ACP1: variants seen among roughly 807,000 people sequenced by gnomAD.
ACP1 encodes the protein low molecular weight phosphotyrosine protein phosphatase.
ACP1 carries 23 observed loss-of-function variants against 23.4 expected under a neutral mutation model. That is an observed-to-expected ratio of 0.98 (90% CI 0.71 to 1.39). The LOEUF is 1.39. Ranked by LOEUF, ACP1 falls within the 40% of genes most tolerant of loss-of-function variation. The pLI is 0.00. For missense variants in ACP1, 180 were observed against 197.7 expected, an observed-to-expected ratio of 0.91 and a Z score of 0.54; for synonymous variants, 72 against 67.2, an observed-to-expected ratio of 1.07 and a Z score of -0.35.
rs913453194 is a variant in ACP1, at chr2:277,654, G to C, written c.*350G>C. 2.7e-5 allele frequency: 8 copies of C among 293,290 alleles called. No individual in the cohort carries two copies. Among genetic ancestry groups the C allele is most frequent in the Admixed American group, 1.4e-4 (3 of 21,900 alleles). The allele number at this position is 293,290 out of a possible 1,614,324, so 18.2% of individuals were successfully genotyped here. A position where few individuals can be genotyped will look rare whatever the true frequency, so the allele number is the denominator to read the frequency against. The stretch of plus-strand genomic sequence containing the variant: ...CAACATCTAAGCCTGTTGAGACTTA[G>C]ATAATCGAGTCTACCTCTTCAGTAG... On this transcript the variant is annotated 3_prime_UTR_variant, in exon 6 of 6. Transcript: ENST00000272065.
rs147831354 is a variant in ACP1, at chr2:264,982, C to G, written c.18C>G (p.Thr6=). Reference sequence around the variant, plus strand: ...GCGGGAAGATGGCGGAACAGGCTACCAAGTCCGTGCTGTTTGTGTGTCTGG... The same window carrying G: ...GCGGGAAGATGGCGGAACAGGCTACGAAGTCCGTGCTGTTTGTGTGTCTGG... The part of the protein sequence containing the change: MAEQA[T]KSVLFVCLGN... Residue 6 remains threonine (T), a synonymous_variant, in exon 1 of 6, where the codon ACC becomes ACG. Transcript: ENST00000272065. 409 of 1,613,036 alleles carry G rather than the reference C, an allele frequency of 2.5e-4. No homozygotes were observed. In the African/African-American group the frequency reaches 4.8e-3, roughly 19 times the overall value.
chr2:276,923 C>T, intron 4 of ACP1, 57 bp from the exon 5 acceptor site: 1 of 1,052,176 alleles, frequency 9.5e-7, no homozygotes, highest in South Asian at 1.4e-5. Flanking sequence ...TAGCAGATGT[C>T]CCTGTTTAAC....
chr2:270,092 C>T (rs1372664689), intron 1 of ACP1, among the ~76,000 whole-genome samples: 1 of 152,194 alleles, frequency 6.6e-6, no homozygotes, highest in Non-Finnish European at 1.5e-5. Context: ...CTCTCCAATT[C>T]AGTCATGTGC....
intron 1 of ACP1, among the ~76,000 whole-genome samples, chr2:266,722 C>A (rs1055343233): frequency 5.9e-5 from 9 of 152,210 alleles, no homozygotes; most frequent in Non-Finnish European, 1.2e-4. Context: ...TCAGGAATTT[C>A]TTTTTCCTTG....
Position 265,260 on chromosome 2 carries a change from A to G in ACP1, c.43+253A>G, listed in dbSNP as rs1669828904. On this transcript the variant is annotated intron_variant, in intron 1 of 5. Coordinates refer to ENST00000272065, the MANE Select transcript of ACP1 (RefSeq NM_004300.4). ...TCCGGGGCTCTTGGCATCTGCAGCC[A>G]CAGCCCCTACAAGCCAAGGTACTTT... is the stretch of plus-strand genomic sequence containing the variant. 6 of 475,742 alleles carry G rather than the reference A, an allele frequency of 1.3e-5. No homozygotes were observed. In the South Asian group the frequency reaches 1.5e-4, roughly 12 times the overall value. 29.5% of individuals were successfully genotyped at this position (475,742 alleles called of 1,614,324 possible). A position where few individuals can be genotyped will look rare whatever the true frequency, so the allele number is the denominator to read the frequency against.
intron 3 of ACP1, 173 bp from the exon 4 acceptor site, chr2:274,967 T>C (rs1185734680): frequency 7.7e-6 from 3 of 391,930 alleles, no homozygotes; most frequent in African/African-American, 6.1e-5. Context: ...AGTACAATTT[T>C]GAGAAATAGG....
Position 266,519 on chromosome 2 carries a change from T to C in ACP1, c.43+1512T>C, listed in dbSNP as rs376961472. On this transcript the variant is annotated intron_variant, in intron 1 of 5. Transcript: ENST00000272065. Reference sequence around the variant, plus strand: ...CCTTGCATATACAGTAGTCCCACTTTAGCTGTAGGGGATACATTCCAAGAC... The same window carrying C: ...CCTTGCATATACAGTAGTCCCACTTCAGCTGTAGGGGATACATTCCAAGAC... The C allele has an allele frequency of 2.2e-4, 34 of 152,346 alleles. No homozygotes were observed. In the East Asian group the frequency reaches 3.9e-3, roughly 17 times the overall value. The allele number at this position is 152,346 out of a possible 1,614,324, so 9.4% of individuals were successfully genotyped here. A position where few individuals can be genotyped will look rare whatever the true frequency, so the allele number is the denominator to read the frequency against.
In ACP1 at chr2:264,982, C is replaced by T. The variant is rs147831354; in HGVS notation, c.18C>T (p.Thr6=). The change falls in exon 1 of 6, where the codon ACC becomes ACT. Residue 6 remains threonine (T), a synonymous_variant. Coordinates refer to ENST00000272065, the MANE Select transcript of ACP1 (RefSeq NM_004300.4). ...GCGGGAAGATGGCGGAACAGGCTAC[C>T]AAGTCCGTGCTGTTTGTGTGTCTGG... MAEQA[T]KSVLFVCLGN... The T allele has an allele frequency of 3.1e-6, 5 of 1,613,038 alleles. No individual in the cohort carries two copies. The highest frequency in any genetic ancestry group is 3.3e-4 in the Middle Eastern group (2 of 6,050).
intron 1 of ACP1, among the ~76,000 whole-genome samples, chr2:266,925 C>G (rs1439378787): frequency 1.3e-5 from 2 of 151,990 alleles, no homozygotes; most frequent in Non-Finnish European, 2.9e-5. Flanking sequence ...TATTAGTAAA[C>G]TAAGGGTGAC....
chr2:265,111 G>A, intron 1 of ACP1, 104 bp downstream of exon 1: 6 of 1,446,258 alleles, frequency 4.1e-6, no homozygotes, highest in Non-Finnish European at 5.8e-6. Context: ...TGAGGGGGAG[G>A]AGGCCAGGGA....
chr2:268,704 A>G (rs1438213180), intron 1 of ACP1, among the ~76,000 whole-genome samples: 1 of 152,248 alleles, frequency 6.6e-6, no homozygotes, highest in African/African-American at 2.4e-5. Flanking sequence ...TTTGGAAAAG[A>G]CAAACTTGAG....
At chr2:271,527 G>T (rs947591188) in intron 1 of ACP1, among the ~76,000 whole-genome samples, 2 of 152,068 alleles carry the variant, frequency 1.3e-5, no homozygotes, top group African/African-American at 4.8e-5. Flanking sequence ...AAAATAAGCT[G>T]GTTGCAACCC....
chr2:274,927 A>G (rs947833167), intron 3 of ACP1: 4 of 360,952 alleles, frequency 1.1e-5, no homozygotes, highest in Middle Eastern at 7.2e-4. Context: ...TGATTATTGT[A>G]TGGAACTTTA....
intron 1 of ACP1, among the ~76,000 whole-genome samples, chr2:271,334 C>T (rs993868145): frequency 6.6e-6 from 1 of 151,896 alleles, no homozygotes; most frequent in African/African-American, 2.4e-5. Flanking sequence ...ATGAGAAACC[C>T]ATCTGTATGG....
intron 1 of ACP1, among the ~76,000 whole-genome samples, chr2:267,261 A>G (rs1305241817): frequency 2.0e-5 from 3 of 152,206 alleles, no homozygotes; most frequent in Non-Finnish European, 4.4e-5. Flanking sequence ...ACTATATGGC[A>G]TGCATTCCTC....
At chr2:269,332 T>C (rs767821807) in intron 1 of ACP1, 3 of 470,868 alleles carry the variant, frequency 6.4e-6, no homozygotes, top group South Asian at 1.6e-5. Context: ...GAAACTACAG[T>C]CTCTGTGGGA....
rs1320755023 is a variant in ACP1, at chr2:277,232, T to C, written c.405T>C (p.Asn135=). 2 of 1,613,968 alleles carry C rather than the reference T, an allele frequency of 1.2e-6. No homozygotes were observed. Among genetic ancestry groups the C allele is most frequent in the Non-Finnish European group, 1.7e-6 (2 of 1,179,986 alleles). Residue 135 remains asparagine (N), a synonymous_variant, in exon 6 of 6, where the codon AAT becomes AAC. Coordinates refer to ENST00000272065, the MANE Select transcript of ACP1 (RefSeq NM_004300.4). Reference sequence around the variant, plus strand: ...TCTTTTTCCTGTCCATTTAGGGGAATGACTCTGACTTTGAGACGGTGTACC... The same window carrying C: ...TCTTTTTCCTGTCCATTTAGGGGAACGACTCTGACTTTGAGACGGTGTACC... The part of the protein sequence containing the change: ...QLIIEDPYYG[N]DSDFETVYQQ...
At position 277,741 on chromosome 2, in the gene ACP1, C is replaced by T. The variant is rs1670215943; in HGVS notation, c.*437C>T. On this transcript the variant is annotated 3_prime_UTR_variant, in exon 6 of 6. Transcript: ENST00000272065. ...CTCCCCAGTGCTACCTCTCTCTTCC[C>T]TAGGGCCTTTTGTGGATTGACAGTA... is the stretch of plus-strand genomic sequence containing the variant. The T allele has an allele frequency of 5.0e-6, 1 of 199,634 alleles. No homozygotes were observed. Among genetic ancestry groups the T allele is most frequent in the South Asian group, 9.8e-5 (1 of 10,178 alleles). The allele number at this position is 199,634 out of a possible 1,614,324, so 12.4% of individuals were successfully genotyped here.
chr2:265,234 A>C, intron 1 of ACP1: 1 of 495,480 alleles, frequency 2.0e-6, no homozygotes, highest in Non-Finnish European at 3.5e-6. Flanking sequence ...CCTGCCATAT[A>C]TCCGGGGCTC....
Sources: allele counts gnomAD v4.1 joint callset (sites outside exome capture counted in the v4.1 genomes callset), GRCh38; gene constraint gnomAD v4.1.1; transcripts MANE v1.5; gene names NCBI Gene and HGNC (gene_info 2026-07-23, HGNC 2026-07-21).